The following EYS variants were observed in gnomAD, a reference collection of about 807,000 sequenced individuals.
EYS encodes EGF-like photoreceptor maintenance factor, also known as protein eyes shut homolog.
In EYS, 250 loss-of-function variants were observed where a neutral mutation model predicts 282.1. The observed-to-expected ratio is 0.89, with a 90% confidence interval of 0.80 to 0.98. EYS has a LOEUF of 0.98. Among genes scored for constraint, EYS ranks in the 50% least tolerant of loss-of-function variants. The pLI is 0.00. For missense variants in EYS, 4,016 were observed against 3,709.0 expected, an observed-to-expected ratio of 1.08 and a Z score of -2.15; for synonymous variants, 1,355 against 1,282.9, an observed-to-expected ratio of 1.06 and a Z score of -1.20.
At chr6:65,171,675 C>T (rs1402667293) in intron 12 of EYS, among the ~76,000 whole-genome samples, 2 of 151,406 alleles carry the variant, frequency 1.3e-5, no homozygotes, top group East Asian at 2.0e-4. Context: ...CCCTACCAAG[C>T]AAACACTGCT....
chr6:65,429,245 G>A (rs1053392596), intron 5 of EYS, among the ~76,000 whole-genome samples: 2 of 152,016 alleles, frequency 1.3e-5, no homozygotes, highest in East Asian at 3.9e-4. Context: ...ATTACCAGGG[G>A]CCAGTGCATG....
intron 5 of EYS, among the ~76,000 whole-genome samples, chr6:65,411,040 T>C (rs562947851): frequency 3.3e-5 from 5 of 152,180 alleles, no homozygotes; most frequent in Non-Finnish European, 7.4e-5. Flanking sequence ...GGAAGATTGA[T>C]AATTTTAAAA....
intron 22 of EYS, among the ~76,000 whole-genome samples, chr6:64,685,466 G>A (rs1487159708): frequency 6.6e-6 from 1 of 152,140 alleles, no homozygotes; most frequent in Non-Finnish European, 1.5e-5. Context: ...CTCATGAATA[G>A]ACTAATGTTT....
At chr6:64,724,766 C>A (rs1306082981) in intron 22 of EYS, among the ~76,000 whole-genome samples, 1 of 152,080 alleles carries the variant, frequency 6.6e-6, no homozygotes, top group African/African-American at 2.4e-5. Context: ...TAAAAAATAG[C>A]ATTTGTGAGT....
chr6:64,748,853 ACCT>A (rs979412831), intron 22 of EYS, among the ~76,000 whole-genome samples: 1 of 152,094 alleles, frequency 6.6e-6, no homozygotes, highest in Non-Finnish European at 1.5e-5. Flanking sequence ...GCTCACTGCA[ACCT>A]CCACCTCCCA....
chr6:64,855,864 A>G lies in EYS; in HGVS notation c.2992+30833T>C, dbSNP rs139938940. Among the ~76,000 whole-genome samples, 319 of 152,314 alleles carry G rather than the reference A, an allele frequency of 2.1e-3. 1 individual carries two copies. The highest frequency in any genetic ancestry group is 6.8e-3 in the Middle Eastern group (2 of 294). On this transcript the variant is annotated intron_variant, in intron 19 of 42. Coordinates refer to ENST00000503581, the MANE Select transcript of EYS (RefSeq NM_001142800.2). ...TAATGACATAAAGTTAGAATCATAC[A>G]TTATGTACTCTTTCCAGATTGGCCT...
intron 40 of EYS, among the ~76,000 whole-genome samples, chr6:63,772,099 A>G (rs1439334000): frequency 6.6e-6 from 1 of 151,174 alleles, no homozygotes; most frequent in African/African-American, 2.5e-5. Context: ...GTGTTCATTG[A>G]TACTGAGTTA....
chr6:63,896,216 T>G (rs978785107), intron 35 of EYS, among the ~76,000 whole-genome samples: 2 of 152,210 alleles, frequency 1.3e-5, no homozygotes, highest in Non-Finnish European at 1.5e-5. Context: ...TCTGGATCTA[T>G]CTCTTGAGTA....
At position 64,121,654 on chromosome 6, in the gene EYS, C is replaced by G. The variant is rs9450852; in HGVS notation, c.6425-39652G>C. Among the ~76,000 whole-genome samples the G allele has an allele frequency of 2.0e-3, 302 of 152,302 alleles. 1 individual carries two copies. Among genetic ancestry groups the G allele is most frequent in the African/African-American group, 7.0e-3 (292 of 41,574 alleles). ...GTTGAGGACTTGCTTGAGCTATAGT[C>G]TCCTATCTCTTAAAATCTTCTGCAA... On this transcript the variant is annotated intron_variant, in intron 31 of 42. Transcript: ENST00000503581.
chr6:65,359,530 G>A (rs1008275419), intron 8 of EYS, among the ~76,000 whole-genome samples: 3 of 151,950 alleles, frequency 2.0e-5, no homozygotes, highest in African/African-American at 7.2e-5. Context: ...TTTTCATGAT[G>A]TATTAAGCAT....
intron 12 of EYS, among the ~76,000 whole-genome samples, chr6:65,169,686 T>G (rs1765058957): frequency 6.6e-6 from 1 of 151,332 alleles, no homozygotes; most frequent in South Asian, 2.1e-4. Flanking sequence ...TGAGAGCAAG[T>G]CTATATATAC....
chr6:65,588,045 G>C (rs983581573), intron 2 of EYS, among the ~76,000 whole-genome samples: 2 of 152,006 alleles, frequency 1.3e-5, no homozygotes, highest in African/African-American at 2.4e-5. Flanking sequence ...ATAGTATTAA[G>C]ATTTACTATT....
chr6:64,380,844 G>T (rs1324980369), intron 29 of EYS, among the ~76,000 whole-genome samples: 1 of 151,846 alleles, frequency 6.6e-6, no homozygotes, highest in Non-Finnish European at 1.5e-5. Flanking sequence ...GGCGAAACCC[G>T]TCTCTACTAA....
rs143425375 is a variant in EYS at position 64,811,615 on chromosome 6, G to A, written c.3443+1763C>T. The stretch of plus-strand genomic sequence containing the variant: ...TAGATTAAAGTCTTTCTCATGAGAC[G>A]GGATTTGTTCTCTCGAGAAAAGATT... On this transcript the variant is annotated intron_variant, in intron 22 of 42. Coordinates refer to ENST00000503581, the MANE Select transcript of EYS (RefSeq NM_001142800.2). Among the ~76,000 whole-genome samples, 8 of 152,172 alleles carry A rather than the reference G, an allele frequency of 5.3e-5. No individual in the cohort carries two copies. The South Asian group carries it at 1.5e-3, about 28-fold the overall frequency.
At chr6:65,114,607 T>C (rs747428756) in intron 12 of EYS, among the ~76,000 whole-genome samples, 7 of 151,880 alleles carry the variant, frequency 4.6e-5, no homozygotes, top group Non-Finnish European at 1.0e-4. Context: ...TCCATAGATA[T>C]TAATATTAAT....
At chr6:63,950,196 A>C (rs1323007708) in intron 35 of EYS, among the ~76,000 whole-genome samples, 1 of 142,706 alleles carries the variant, frequency 7.0e-6, no homozygotes. Context: ...AAACAAAACA[A>C]AAAAAAAAAA....
intron 36 of EYS, among the ~76,000 whole-genome samples, chr6:63,819,925 T>C (rs989784668): frequency 6.6e-6 from 1 of 152,138 alleles, no homozygotes; most frequent in Non-Finnish European, 1.5e-5. Context: ...TGGGATTATA[T>C]CAGGGGTCCG....
chr6:65,023,782 C>A (rs1772319240), intron 13 of EYS, among the ~76,000 whole-genome samples: 1 of 152,070 alleles, frequency 6.6e-6, no homozygotes, highest in South Asian at 2.1e-4. Context: ...TAGTGCAGGG[C>A]AATAATAAGG....
chr6:65,461,758 G>C (rs1204606226), intron 5 of EYS, among the ~76,000 whole-genome samples: 1 of 151,636 alleles, frequency 6.6e-6, no homozygotes, highest in Non-Finnish European at 1.5e-5. Context: ...ACAATTATTA[G>C]AATAACTAAA....
Sources: gnomAD v4.1 joint callset for allele counts (sites outside exome capture counted in the v4.1 genomes callset) on GRCh38, gnomAD v4.1.1 for gene constraint, MANE v1.5 for transcripts, NCBI Gene and HGNC (gene_info 2026-07-23, HGNC 2026-07-21) for gene names.